The following FBF1 variants were observed in gnomAD, a reference collection of about 807,000 sequenced individuals.
The protein encoded by FBF1 is fas-binding factor 1.
FBF1 carries 119 observed loss-of-function variants against 147.2 expected under a neutral mutation model. The observed-to-expected ratio is 0.81, with a 90% CI of 0.70 to 0.94. The LOEUF (loss-of-function observed/expected upper bound fraction) is 0.94. Among genes scored for constraint, FBF1 ranks in the 40% least tolerant of loss-of-function variants. FBF1 has a pLI of 0.00. For synonymous variants in FBF1, 601 were observed against 609.0 expected (o/e 0.99, Z 0.19); for missense variants, 1,449 against 1,500.8 (o/e 0.97, Z 0.57).
intron 17 of FBF1, 69 bp from the exon 18 acceptor site, chr17:75,920,498 C>A: frequency 6.8e-7 from 1 of 1,471,464 alleles, no homozygotes; most frequent in Non-Finnish European, 9.1e-7. Flanking sequence ...TCAGCTACCT[C>A]CTGGCCCACT....
At chr17:75,938,826 A>G (rs2065641101) in intron 1 of FBF1, among the ~76,000 whole-genome samples, 1 of 150,988 alleles carries the variant, frequency 6.6e-6, no homozygotes, top group Non-Finnish European at 1.5e-5. Context: ...AGATCATGCT[A>G]TGCATTCTAG....
chr17:75,928,766 C>T lies in FBF1; in HGVS notation c.280-573G>A, dbSNP rs2065577118. Among the ~76,000 whole-genome samples the T allele has an allele frequency of 6.6e-6, 1 of 151,856 alleles. No homozygotes were observed. The highest frequency in any genetic ancestry group is 1.5e-5 in the Non-Finnish European group (1 of 67,964). ...GAGGTTGCAGTGAGCCGAGATCATG[C>T]CACTGCACTCCAGCCTAGGCAACAG... is the stretch of plus-strand genomic sequence containing the variant. On this transcript the variant is annotated intron_variant, in intron 7 of 29. Transcript: ENST00000636174. The surrounding 1 kb of genome is among the most constrained non-coding windows in gnomAD (Gnocchi z 4.2).
chr17:75,923,298 G>A lies in FBF1; in HGVS notation c.1312C>T (p.Leu438=). The A allele has an allele frequency of 6.3e-7, 1 of 1,593,474 alleles. No homozygotes were observed. The highest frequency in any genetic ancestry group is 1.1e-5 in the South Asian group (1 of 87,942). ...RASKEEKEDW[L]SHALSRKKSQ... ...TTCTTCCGAGACAGGGCATGGCTCA[G>A]CCAGTCCTCTTTCTCCTCCTTGGAG... Residue 438 remains leucine (L), a synonymous_variant, in exon 14 of 30, where the codon CTG becomes TTG. Transcript: ENST00000636174. This position sits in a 1 kb window ranked among gnomAD's most constrained non-coding sequence, Gnocchi z 4.1.
intron 28 of FBF1, among the ~76,000 whole-genome samples, chr17:75,912,747 A>G (rs2065463536): frequency 6.6e-6 from 1 of 152,238 alleles, no homozygotes; most frequent in African/African-American, 2.4e-5. Context: ...TTGTTTTTAA[A>G]AACATGTACC....
At chr17:75,911,140 G>A (rs2065454603) in intron 29 of FBF1, among the ~76,000 whole-genome samples, 2 of 152,086 alleles carry the variant, frequency 1.3e-5, no homozygotes, top group Non-Finnish European at 2.9e-5. Context: ...CACAAAGCAG[G>A]CCAGGCACAG....
chr17:75,909,945 CT>C lies in FBF1; in HGVS notation c.*777del, dbSNP rs1454756395. On this transcript the variant is annotated 3_prime_UTR_variant, in exon 30 of 30. Transcript: ENST00000636174. The stretch of plus-strand genomic sequence containing the variant: ...GTAGTTGTGATTGGTTCCTTGTCGC[CT>C]CCACTGCGTACCCGCTGAGCTGGGC... 3 of 698,842 alleles carry C rather than the reference CT, an allele frequency of 4.3e-6. No homozygotes were observed. In the Admixed American group the frequency reaches 6.0e-5, roughly 14 times the overall value. 43.3% of individuals were successfully genotyped at this position (698,842 alleles called of 1,614,324 possible).
rs375998218 is a variant in FBF1, at chr17:75,919,870, G to A, written c.1936C>T (p.Arg646Cys). 4.8e-5 allele frequency: 78 copies of A among 1,613,614 alleles called. No homozygotes were observed. The highest frequency in any genetic ancestry group is 3.3e-4 in the Middle Eastern group (2 of 6,084). Residue 646 changes from arginine to cysteine, a missense_variant, in exon 20 of 30, where the codon CGC (arginine) becomes TGC (cysteine). Arg to Cys is a radical substitution (Grantham distance 180). Coordinates refer to ENST00000636174, the MANE Select transcript of FBF1 (RefSeq NM_001319193.2). The surrounding 1 kb of genome is among the most constrained non-coding windows in gnomAD (Gnocchi z 5.0). ...LELIESAHRSRIKVLETSYQQ... is the reference protein window; with the variant it reads ...LELIESAHRSCIKVLETSYQQ... Reference sequence around the variant, plus strand: ...TACGATGTTTCTAGCACCTTGATGCGGCTTCTGCCAACAGAACACCCAGCC... The same window carrying A: ...TACGATGTTTCTAGCACCTTGATGCAGCTTCTGCCAACAGAACACCCAGCC...
intron 7 of FBF1, 42 bp downstream of exon 7, chr17:75,929,949 CACCCCA>C: frequency 7.1e-6 from 3 of 424,796 alleles, no homozygotes; most frequent in African/African-American, 2.2e-5. Flanking sequence ...ATCATGACCC[CACCCCA>C]CCCACCCCCA....
At position 75,930,034 on chromosome 17, in the gene FBF1, G is replaced by T. The variant is rs868864308; in HGVS notation, c.242C>A (p.Ser81Ter). Residue 81 changes from serine to a stop codon, truncating the protein, a stop_gained, in exon 7 of 30, where the codon TCA (serine) becomes TAA (stop). Transcript: ENST00000636174. LOFTEE classifies it high-confidence loss of function. The stretch of plus-strand genomic sequence containing the variant: ...GAGCAGAGCCTGTGGGTCTGCCTCT[G>T]AGATACCTGAAACCTAAGTCCACAA... ...EEADAEVSGI[S>*]EADPQALLQA... 1 of 1,553,208 alleles carries T rather than the reference G, an allele frequency of 6.4e-7. No individual in the cohort carries two copies. The highest frequency in any genetic ancestry group is 2.4e-5 in the East Asian group (1 of 42,052).
In FBF1 at chr17:75,915,995, G is replaced by A. The variant is rs1300855089; in HGVS notation, c.2506-856C>T. ...TACACTACAGCCTGGGTGACAGAGC[G>A]AGACTCTGACTCAAAAAAAAAAAAA... On this transcript the variant is annotated intron_variant, in intron 23 of 29. Transcript: ENST00000636174. Among the ~76,000 whole-genome samples, 7 of 136,194 alleles carry A rather than the reference G, an allele frequency of 5.1e-5. No homozygotes were observed. The East Asian group carries it at 8.7e-4, about 17-fold the overall frequency. The allele number at this position is 136,194 out of a possible 152,430, so 89.3% of individuals were successfully genotyped here. A position where few individuals can be genotyped will look rare whatever the true frequency, so the allele number is the denominator to read the frequency against.
intron 25 of FBF1, 155 bp from the exon 26 acceptor site, chr17:75,914,453 G>T (rs1238634048): frequency 8.3e-7 from 1 of 1,204,912 alleles, no homozygotes; most frequent in Non-Finnish European, 1.1e-6. Flanking sequence ...GGGCCAAGCC[G>T]GAGTGCTGCC....
intron 7 of FBF1, among the ~76,000 whole-genome samples, chr17:75,929,648 G>T (rs2065582450): frequency 2.0e-5 from 3 of 152,132 alleles, no homozygotes; most frequent in Admixed American, 2.0e-4. Context: ...GATGTGGAGA[G>T]AAATATGGAG....
chr17:75,919,774 C>T lies in FBF1; in HGVS notation c.2032G>A (p.Glu678Lys). ...AGCTCAGCACGGGCCTGTTCGGCCT[C>T]CTGGCACTGCGACAGATACCGAGCT... ...LSARYLSQCQ[E>K]AEQARAELTA... is the part of the protein sequence containing the mutation. Residue 678 changes from glutamate (E) to lysine (K), a missense_variant, in exon 20 of 30, where the codon GAG becomes AAG. By Grantham distance (56) the Glu-to-Lys change is moderately conservative (BLOSUM62 1). Coordinates refer to ENST00000636174, the MANE Select transcript of FBF1 (RefSeq NM_001319193.2). The surrounding 1 kb of genome is among the most constrained non-coding windows in gnomAD (Gnocchi z 5.0). The T allele has an allele frequency of 6.2e-7, 1 of 1,613,662 alleles. No individual in the cohort carries two copies. The highest frequency in any genetic ancestry group is 8.5e-7 in the Non-Finnish European group (1 of 1,179,882).
Position 75,930,040 on chromosome 17 carries a change from C to A in FBF1, c.236G>T (p.Gly79Val), listed in dbSNP as rs1135889. 0.22 allele frequency: 331,679 copies of A among 1,488,768 alleles called. 36,043 individuals carry two copies. The highest frequency in any genetic ancestry group is 0.23 in the Non-Finnish European group (257,629 of 1,111,718). The allele number at this position is 1,488,768 out of a possible 1,614,324, so 92.2% of individuals were successfully genotyped here. The stretch of plus-strand genomic sequence containing the variant: ...AGCCTGTGGGTCTGCCTCTGAGATA[C>A]CTGAAACCTAAGTCCACAATGAGGG... ...GLEEADAEVS[G>V]ISEADPQALL... Residue 79 changes from glycine (G) to valine (V), a missense_variant, in exon 7 of 30, where the codon GGT becomes GTT. By Grantham distance (109) the Gly-to-Val change is moderately radical. Transcript: ENST00000636174.
intron 6 of FBF1, among the ~76,000 whole-genome samples, chr17:75,930,533 G>C (rs1225031300): frequency 6.6e-6 from 1 of 152,244 alleles, no homozygotes; most frequent in Non-Finnish European, 1.5e-5. Context: ...GCCGAGGCGG[G>C]TAGATCACTT....
At chr17:75,926,539 A>T in intron 10 of FBF1, 113 bp from the exon 11 acceptor site, 1 of 1,424,316 alleles carries the variant, frequency 7.0e-7, no homozygotes, top group Non-Finnish European at 9.2e-7. Context: ...CAGGCTTTAG[A>T]CCTGCCTGGT....
chr17:75,910,629 ATCCTCCCCAGGCAC>A lies in FBF1; in HGVS notation c.*80_*93del. 1 of 1,098,894 alleles carries A rather than the reference ATCCTCCCCAGGCAC, an allele frequency of 9.1e-7. No homozygotes were observed. Among genetic ancestry groups the A allele is most frequent in the Non-Finnish European group, 1.3e-6 (1 of 748,774 alleles). The allele number at this position is 1,098,894 out of a possible 1,614,324, so 68.1% of individuals were successfully genotyped here. A position where few individuals can be genotyped will look rare whatever the true frequency, so the allele number is the denominator to read the frequency against. On this transcript the variant is annotated 3_prime_UTR_variant, in exon 30 of 30. Coordinates refer to ENST00000636174, the MANE Select transcript of FBF1 (RefSeq NM_001319193.2). This position sits in a 1 kb window ranked among gnomAD's most constrained non-coding sequence, Gnocchi z 4.1. ...GTCATCAGGCCTCAAGCATCTCAGA[ATCCTCCCCAGGCAC>A]TGCCTCCATGGAGGCAGCCGGAGGA...
rs113868146 is a variant in FBF1 at position 75,926,089 on chromosome 17, C to T, written c.809G>A (p.Arg270His). Residue 270 changes from arginine (R) to histidine (H), a missense_variant, in exon 12 of 30, where the codon CGC becomes CAC. Physicochemically the swap from Arg to His is conservative, Grantham distance 29 (BLOSUM62 0). Transcript: ENST00000636174. The stretch of plus-strand genomic sequence containing the variant: ...CTCCCTGTGCTCCCCGGTGCCCGGG[C>T]GGGCCAGGAGTTTGGTGGCCATGCC... The part of the protein sequence containing the change: ...GRGMATKLLA[R>H]PGTGEHREFK... 113 of 1,612,374 alleles carry T rather than the reference C, an allele frequency of 7.0e-5. No individual in the cohort carries two copies. Among genetic ancestry groups the T allele is most frequent in the African/African-American group, 3.1e-4 (23 of 75,060 alleles).
rs370230125 is a variant in FBF1, at chr17:75,923,606, C to T, written c.1004G>A (p.Gly335Glu). The T allele has an allele frequency of 3.7e-6, 6 of 1,610,020 alleles. No individual in the cohort carries two copies. Among genetic ancestry groups the T allele is most frequent in the Non-Finnish European group, 4.2e-6 (5 of 1,178,584 alleles). ...FFADSGADPK[G>E]EPGSKQSPPM... ...AGGGCTCTGTTTGGAGCCTGGTTCTCCCTTGGGGTCTGCGCCACTGTCTGC... is the reference window on the plus strand; with the variant it reads ...AGGGCTCTGTTTGGAGCCTGGTTCTTCCTTGGGGTCTGCGCCACTGTCTGC... The change falls in exon 14 of 30, where the codon GGA (glycine) becomes GAA (glutamate). Residue 335 changes from glycine (G) to glutamate (E), a missense_variant. By Grantham distance (98) the Gly-to-Glu change is moderately conservative. Transcript: ENST00000636174. The surrounding 1 kb of genome is among the most constrained non-coding windows in gnomAD (Gnocchi z 4.1).
Sources: allele counts gnomAD v4.1 joint callset (sites outside exome capture counted in the v4.1 genomes callset), GRCh38; gene constraint gnomAD v4.1.1; non-coding constraint Gnocchi (gnomAD v3.1); transcripts MANE v1.5; gene names NCBI Gene and HGNC (gene_info 2026-07-23, HGNC 2026-07-21).